PARD3: variants seen among roughly 807,000 people sequenced by gnomAD.
PARD3 encodes par-3 family cell polarity regulator.
A neutral mutation model predicts 155.4 loss-of-function variants in PARD3; 75 were observed. The ratio of observed to expected loss-of-function variants is 0.48; its 90% confidence interval spans 0.40 to 0.58. The LOEUF (loss-of-function observed/expected upper bound fraction) is 0.58, where lower values mean the gene tolerates loss of function less well. PARD3 is among the 20% of genes least tolerant of loss of function. The pLI, the probability that PARD3 is intolerant of heterozygous loss-of-function variation, is 0.00. For missense variants in PARD3, 1,642 were observed against 1,721.7 expected (o/e 0.95, Z 0.82); for synonymous variants, 576 against 610.5 (o/e 0.94, Z 0.83).
chr10:34,266,394 C>A (rs1238554800), intron 22 of PARD3, among the ~76,000 whole-genome samples: 5 of 152,182 alleles, frequency 3.3e-5, no homozygotes, highest in Admixed American at 3.3e-4. Flanking sequence ...TAATTCCCAA[C>A]TTTTTGGATT....
At chr10:34,268,992 A>G (rs1660638) in intron 22 of PARD3, among the ~76,000 whole-genome samples, 102,420 of 152,054 alleles carry the variant, frequency 0.67, 35,925 homozygotes, top group African/African-American at 0.88. Context: ...GAAGCTGAGG[A>G]ATACCCCAAA....
intron 22 of PARD3, among the ~76,000 whole-genome samples, chr10:34,155,668 ATG>A (rs3039232): frequency 0.05 from 7,050 of 140,344 alleles, 237 homozygotes; most frequent in African/African-American, 0.092. Context: ...CCCTCTAAAA[ATG>A]TGTGTGTGTG....
chr10:34,304,696 C>T (rs1441461889), intron 20 of PARD3, among the ~76,000 whole-genome samples: 3 of 152,166 alleles, frequency 2.0e-5, no homozygotes, highest in Non-Finnish European at 4.4e-5. Flanking sequence ...TTCTCCACAC[C>T]TTTATGTTTT....
intron 2 of PARD3, among the ~76,000 whole-genome samples, chr10:34,604,232 A>G (rs538521781): frequency 5.9e-5 from 9 of 152,310 alleles, no homozygotes; most frequent in African/African-American, 2.2e-4. Context: ...GGATTGAGGG[A>G]TGCGAAGTAT....
chr10:34,649,645 G>T (rs112175870), intron 2 of PARD3, among the ~76,000 whole-genome samples: 7 of 152,362 alleles, frequency 4.6e-5, no homozygotes, highest in African/African-American at 1.7e-4. Flanking sequence ...CCAAAGGCAT[G>T]AGTGTACACC....
chr10:34,723,633 G>C (rs1043806515), intron 1 of PARD3, among the ~76,000 whole-genome samples: 3 of 152,138 alleles, frequency 2.0e-5, no homozygotes, highest in Non-Finnish European at 4.4e-5. Flanking sequence ...ATTAATCTCA[G>C]CTTTATGATG....
chr10:34,805,877 T>C (rs1293166754), intron 1 of PARD3, among the ~76,000 whole-genome samples: 1 of 151,794 alleles, frequency 6.6e-6, no homozygotes, highest in African/African-American at 2.4e-5. Context: ...CTCGGGAGGC[T>C]GAGGCAGGAG....
At chr10:34,379,753 CCTT>C (rs1207626697) in intron 9 of PARD3, among the ~76,000 whole-genome samples, 1 of 152,040 alleles carries the variant, frequency 6.6e-6, no homozygotes, top group Non-Finnish European at 1.5e-5. Flanking sequence ...AGATTACTGA[CCTT>C]CTCCTCTGAC....
intron 3 of PARD3, among the ~76,000 whole-genome samples, chr10:34,510,507 T>C (rs955001899): frequency 2.6e-5 from 4 of 152,246 alleles, no homozygotes; most frequent in African/African-American, 9.6e-5. Flanking sequence ...CACAGTACTA[T>C]ATTTAAAATT....
chr10:34,203,387 T>G (rs1394488064), intron 22 of PARD3, among the ~76,000 whole-genome samples: 1 of 152,204 alleles, frequency 6.6e-6, no homozygotes, highest in Non-Finnish European at 1.5e-5. Flanking sequence ...TCTGCATTCA[T>G]CTGCAAAGCT....
At chr10:34,386,481 T>C (rs763486635) in intron 7 of PARD3, among the ~76,000 whole-genome samples, 2 of 152,186 alleles carry the variant, frequency 1.3e-5, no homozygotes, top group Admixed American at 6.5e-5. Flanking sequence ...GGATTCCCTA[T>C]TGTTTGTTTC....
intron 22 of PARD3, among the ~76,000 whole-genome samples, chr10:34,141,508 C>G (rs1948186492): frequency 6.6e-6 from 1 of 152,136 alleles, no homozygotes; most frequent in Non-Finnish European, 1.5e-5. Flanking sequence ...AGCTCCAGTT[C>G]TCCAGATGCT....
intron 2 of PARD3, among the ~76,000 whole-genome samples, chr10:34,673,585 A>T (rs1392909444): frequency 7.2e-5 from 11 of 152,110 alleles, no homozygotes; most frequent in Non-Finnish European, 1.5e-4. Context: ...AGAACACATT[A>T]CTCCTTTAGG....
chr10:34,143,574 A>G (rs1302109635), intron 22 of PARD3, among the ~76,000 whole-genome samples: 3 of 152,212 alleles, frequency 2.0e-5, no homozygotes, highest in Non-Finnish European at 4.4e-5. Flanking sequence ...AAAACACTAT[A>G]CGAAACTAAG....
intron 3 of PARD3, among the ~76,000 whole-genome samples, chr10:34,472,235 G>C (rs1251073229): frequency 6.6e-6 from 1 of 152,130 alleles, no homozygotes; most frequent in African/African-American, 2.4e-5. Context: ...ACATAAACAT[G>C]AGGATTTTAA....
chr10:34,542,158 T>C (rs2083655099), intron 2 of PARD3, among the ~76,000 whole-genome samples: 1 of 150,864 alleles, frequency 6.6e-6, no homozygotes. Context: ...CAAAATAAAA[T>C]AGGAAATATC....
At chr10:34,142,107 C>T (rs547821236) in intron 22 of PARD3, among the ~76,000 whole-genome samples, 24 of 152,254 alleles carry the variant, frequency 1.6e-4, no homozygotes, top group Middle Eastern at 3.4e-3. Flanking sequence ...CTGTGAGGTA[C>T]GTGGACAAAG....
intron 2 of PARD3, among the ~76,000 whole-genome samples, chr10:34,609,591 G>A (rs1167065021): frequency 1.3e-5 from 2 of 152,180 alleles, no homozygotes; most frequent in Non-Finnish European, 2.9e-5. Context: ...CACCCAGACT[G>A]GAGTGCAGGG....
At chr10:34,124,710 A>T (rs780608647) in intron 23 of PARD3, among the ~76,000 whole-genome samples, 23 of 152,150 alleles carry the variant, frequency 1.5e-4, no homozygotes, top group Non-Finnish European at 3.2e-4. Flanking sequence ...TCCCTCATGA[A>T]GTTTTTAGAA....
Sources: allele counts gnomAD v4.1 joint callset (sites outside exome capture counted in the v4.1 genomes callset), GRCh38; gene constraint gnomAD v4.1.1; transcripts MANE v1.5; gene names NCBI Gene and HGNC (gene_info 2026-07-23, HGNC 2026-07-21).